The following NIBAN1 variants were observed in gnomAD, a reference collection of about 807,000 sequenced individuals.
The protein encoded by NIBAN1 is protein Niban 1.
In NIBAN1, 81 loss-of-function variants were observed where a neutral mutation model predicts 75.1. That is an observed-to-expected ratio of 1.08 (90% CI 0.90 to 1.30). The LOEUF is 1.30. Among genes scored for constraint, NIBAN1 ranks in the 50% most tolerant of loss-of-function variants. NIBAN1 has a pLI of 0.00. For missense variants in NIBAN1, 1,133 were observed against 1,128.1 expected (o/e 1.00, Z -0.06); for synonymous variants, 436 against 424.8 (o/e 1.03, Z -0.32).
intron 1 of NIBAN1, among the ~76,000 whole-genome samples, chr1:184,970,169 C>CAAA (rs540891439): frequency 1.4e-5 from 1 of 71,510 alleles, no homozygotes; most frequent in Non-Finnish European, 3.2e-5. Context: ...GACCCTGTCT[C>CAAA]AAAAAAAAAA....
chr1:184,857,066 A>G (rs1220931689), intron 5 of NIBAN1, among the ~76,000 whole-genome samples: 1 of 152,200 alleles, frequency 6.6e-6, no homozygotes, highest in African/African-American at 2.4e-5. Context: ...CACCCAACCT[A>G]TGAAATCTTC....
chr1:184,940,401 G>A (rs1231485164), intron 1 of NIBAN1, among the ~76,000 whole-genome samples: 1 of 151,686 alleles, frequency 6.6e-6, no homozygotes, highest in East Asian at 1.9e-4. Context: ...AGCAGGCCTG[G>A]CAGTAATGTG....
intron 1 of NIBAN1, among the ~76,000 whole-genome samples, chr1:184,900,063 G>T (rs529476764): frequency 6.6e-6 from 1 of 151,964 alleles, no homozygotes; most frequent in Non-Finnish European, 1.5e-5. Flanking sequence ...TGATCTGCCC[G>T]CCTCGGCCTC....
rs1412878209 is a variant in NIBAN1 at position 184,796,080 on chromosome 1, T to C, written c.1684A>G (p.Ile562Val). The C allele has an allele frequency of 1.3e-6, 2 of 1,543,252 alleles. No individual in the cohort carries two copies. The highest frequency in any genetic ancestry group is 2.3e-5 in the East Asian group (1 of 43,464). The change falls in exon 14 of 14, where the codon ATC (isoleucine) becomes GTC (valine). Residue 562 changes from isoleucine to valine, a missense_variant. Coordinates refer to ENST00000367511, the MANE Select transcript of NIBAN1 (RefSeq NM_052966.4). ...ETLKVIKEAA[I>V]LKKHNLFEDN... ...TCAAATAAGTTGTGTTTCTTCAAGA[T>C]AGCAGCTTCCTTTATCACTGAGAGA...
Position 184,793,152 on chromosome 1 carries a change from T to C in NIBAN1, c.*1825A>G, listed in dbSNP as rs1653741823. The C allele has an allele frequency of 6.6e-6, 1 of 152,250 alleles. No individual in the cohort carries two copies. The highest frequency in any genetic ancestry group is 6.5e-5 in the Admixed American group (1 of 15,288). 9.4% of individuals were successfully genotyped at this position (152,250 alleles called of 1,614,324 possible). A position where few individuals can be genotyped will look rare whatever the true frequency, so the allele number is the denominator to read the frequency against. Reference sequence around the variant, plus strand: ...GGCTGAAAAGGGTGATATTTTAATTTCTGGTTAAATGGTTGAACTGTGTGT... The same window carrying C: ...GGCTGAAAAGGGTGATATTTTAATTCCTGGTTAAATGGTTGAACTGTGTGT... On this transcript the variant is annotated 3_prime_UTR_variant, in exon 14 of 14. Coordinates refer to ENST00000367511, the MANE Select transcript of NIBAN1 (RefSeq NM_052966.4).
intron 11 of NIBAN1, among the ~76,000 whole-genome samples, chr1:184,805,088 C>G (rs186850576): frequency 1.1e-4 from 17 of 152,230 alleles, no homozygotes; most frequent in Non-Finnish European, 2.1e-4. Context: ...GTGCCCGGCC[C>G]CAATATTGTT....
At chr1:184,856,708 G>A (rs1223168105) in intron 5 of NIBAN1, among the ~76,000 whole-genome samples, 3 of 152,134 alleles carry the variant, frequency 2.0e-5, no homozygotes, top group African/African-American at 7.2e-5. Flanking sequence ...TGGTTCATGG[G>A]CATAAAGTTT....
rs577289199 is a variant in NIBAN1, at chr1:184,904,944, C to CA, written c.56-5636dup. On this transcript the variant is annotated intron_variant, in intron 1 of 13. Coordinates refer to ENST00000367511, the MANE Select transcript of NIBAN1 (RefSeq NM_052966.4). ...CTAGGTGACAGAGCGAGATCTGTCT[C>CA]AAAAAAAAAAAATTCTCTGTATCTA... is the stretch of plus-strand genomic sequence containing the variant. 2.3e-3 allele frequency among the ~76,000 whole-genome samples: 326 copies of CA among 142,570 alleles called. 3 individuals are homozygous for CA. In the South Asian group the frequency reaches 0.024, roughly 11 times the overall value. 93.5% of individuals were successfully genotyped at this position (142,570 alleles called of 152,430 possible). A position where few individuals can be genotyped will look rare whatever the true frequency, so the allele number is the denominator to read the frequency against.
intron 1 of NIBAN1, among the ~76,000 whole-genome samples, chr1:184,970,032 G>T (rs1658896530): frequency 6.6e-6 from 1 of 151,922 alleles, no homozygotes; most frequent in Non-Finnish European, 1.5e-5. Flanking sequence ...ACCTGGGCAT[G>T]GTGGCACATG....
intron 7 of NIBAN1, 36 bp downstream of exon 7, chr1:184,823,602 T>G: frequency 6.3e-7 from 1 of 1,599,654 alleles, no homozygotes; most frequent in African/African-American, 1.3e-5. Context: ...GTTCCCATTT[T>G]GAGTAGCTCA....
chr1:184,904,462 T>C (rs1657037936), intron 1 of NIBAN1, among the ~76,000 whole-genome samples: 1 of 152,228 alleles, frequency 6.6e-6, no homozygotes, highest in Non-Finnish European at 1.5e-5. Context: ...AAGAAAAATA[T>C]CTGCTGGCCC....
In NIBAN1 at chr1:184,795,695, A is replaced by G. The variant is rs764048283; in HGVS notation, c.2069T>C (p.Leu690Pro). 23 of 1,613,914 alleles carry G rather than the reference A, an allele frequency of 1.4e-5. No homozygotes were observed. The highest frequency in any genetic ancestry group is 1.1e-5 in the Non-Finnish European group (13 of 1,179,974). The change falls in exon 14 of 14, where the codon CTT becomes CCT. Residue 690 changes from leucine to proline, a missense_variant. Coordinates refer to ENST00000367511, the MANE Select transcript of NIBAN1 (RefSeq NM_052966.4). ...TTCCTGGGCGGGTTCTTCATCCTCA[A>G]GGGTCCCTCCAAACTCCAGCTCTGA... is the stretch of plus-strand genomic sequence containing the variant. Reference protein sequence around the residue: ...CSSELEFGGTLEDEEPAQEEP... With the variant: ...CSSELEFGGTPEDEEPAQEEP...
Position 184,798,068 on chromosome 1 carries a change from A to C in NIBAN1, c.1666+11T>G, listed in dbSNP as rs752057341. 6.3e-6 allele frequency: 10 copies of C among 1,586,134 alleles called. No individual in the cohort carries two copies. The highest frequency in any genetic ancestry group is 8.6e-6 in the Non-Finnish European group (10 of 1,156,804). On this transcript the variant is annotated intron_variant, in intron 13 of 13. Transcript: ENST00000367511. ...TGGAGTGTCCCTGCAGCACCAGGTA[A>C]CCTTTCTTACCTTTCAGAGTTTCAT...
intron 5 of NIBAN1, among the ~76,000 whole-genome samples, chr1:184,882,404 G>A (rs1469034678): frequency 1.3e-5 from 2 of 152,176 alleles, no homozygotes; most frequent in Non-Finnish European, 2.9e-5. Flanking sequence ...CTTGGCCCAT[G>A]ATAGTCAAGG....
intron 1 of NIBAN1, among the ~76,000 whole-genome samples, chr1:184,909,526 G>A (rs1269858623): frequency 6.6e-6 from 1 of 152,144 alleles, no homozygotes; most frequent in African/African-American, 2.4e-5. Flanking sequence ...GAAAATGGAA[G>A]GTAGTATTGC....
chr1:184,815,816 G>A (rs2102210904), intron 9 of NIBAN1, among the ~76,000 whole-genome samples: 1 of 152,242 alleles, frequency 6.6e-6, no homozygotes, highest in East Asian at 1.9e-4. Flanking sequence ...ACTGCCAGGA[G>A]GCCTTCACTC....
At chr1:184,877,740 T>C (rs531477436) in intron 5 of NIBAN1, among the ~76,000 whole-genome samples, 82 of 152,326 alleles carry the variant, frequency 5.4e-4, no homozygotes, top group African/African-American at 1.9e-3. Flanking sequence ...ATTTACTATG[T>C]CATTCTAATA....
Position 184,894,159 on chromosome 1 carries a change from T to C in NIBAN1, c.234A>G (p.Gln78=). 2 of 1,612,966 alleles carry C rather than the reference T, an allele frequency of 1.2e-6. No individual in the cohort carries two copies. Among genetic ancestry groups the C allele is most frequent in the Non-Finnish European group, 1.7e-6 (2 of 1,179,512 alleles). Reference sequence around the variant, plus strand: ...TCCACTTCTTTATGTCTTCAGAAAATTGTGATAGCTCTGCTTCATACAAAA... The same window carrying C: ...TCCACTTCTTTATGTCTTCAGAAAACTGTGATAGCTCTGCTTCATACAAAA... ...GTILYEAELS[Q]FSEDIKKWKE... is the part of the protein sequence containing the mutation. The change falls in exon 3 of 14, where the codon CAA becomes CAG. Residue 78 remains glutamine (Q), a synonymous_variant. Coordinates refer to ENST00000367511, the MANE Select transcript of NIBAN1 (RefSeq NM_052966.4).
At chr1:184,934,636 C>A (rs917772644) in intron 1 of NIBAN1, among the ~76,000 whole-genome samples, 2 of 152,184 alleles carry the variant, frequency 1.3e-5, no homozygotes, top group Non-Finnish European at 2.9e-5. Flanking sequence ...GTGGCTCACG[C>A]CTGTAATCCC....
Sources: gnomAD v4.1 joint callset for allele counts (sites outside exome capture counted in the v4.1 genomes callset) on GRCh38, gnomAD v4.1.1 for gene constraint, MANE v1.5 for transcripts, NCBI Gene and HGNC (gene_info 2026-07-23, HGNC 2026-07-21) for gene names.